Variants in MIER2 observed in about 807,000 individuals in gnomAD.
The protein encoded by MIER2 is MIER family member 2, also known as mesoderm induction early response protein 2.
Under a neutral mutation model 67.6 loss-of-function variants are expected in MIER2, and 30 were observed. The observed-to-expected ratio is 0.44, with a 90% CI of 0.33 to 0.60. MIER2 has a LOEUF of 0.60. MIER2 is among the 20% of genes least tolerant of loss of function. The pLI is 0.02. For synonymous variants in MIER2, 372 were observed against 312.6 expected (o/e 1.19, Z -2.00); for missense variants, 702 against 745.1 (o/e 0.94, Z 0.67).
chr19:319,159 T>G (rs1971389927), intron 7 of MIER2, among the ~76,000 whole-genome samples: 2 of 149,926 alleles, frequency 1.3e-5, no homozygotes, highest in Non-Finnish European at 1.5e-5. Context: ...GTCAGGAGTT[T>G]GAGACCAGCC....
intron 1 of MIER2, chr19:343,835 G>A (rs1972614840): frequency 2.0e-6 from 2 of 985,032 alleles, no homozygotes; most frequent in South Asian, 9.4e-5. Context: ...CTTCACCAGG[G>A]CCCTCCAAGG....
At chr19:320,170 T>C (rs943187171) in intron 7 of MIER2, among the ~76,000 whole-genome samples, 14 of 151,556 alleles carry the variant, frequency 9.2e-5, no homozygotes, top group Non-Finnish European at 4.4e-5. Context: ...AGGCCAGGAG[T>C]TTGAGACCAG....
rs755905762 is a variant in MIER2, at chr19:307,322, G to A, written c.1413C>T (p.Ala471=). The change falls in exon 13 of 14, where the codon GCC becomes GCT. Residue 471 remains alanine (A), a synonymous_variant. Transcript: ENST00000264819. ...GCTCCTTGGGCAGGGCGAAGTCCAC[G>A]GCCAGCCTTGGGCTGGCGTCTGGCT... ...APEPDASPRL[A]VDFALPKELP... is the part of the protein sequence containing the mutation. 29 of 1,601,376 alleles carry A rather than the reference G, an allele frequency of 1.8e-5. No individual in the cohort carries two copies. Among genetic ancestry groups the A allele is most frequent in the Admixed American group, 5.2e-5 (3 of 57,762 alleles).
chr19:343,663 G>T (rs914999384), intron 1 of MIER2: 3 of 252,098 alleles, frequency 1.2e-5, no homozygotes, highest in African/African-American at 4.6e-5. Flanking sequence ...GGCTGTGCCT[G>T]GCTGGGTGGG....
At position 334,430 on chromosome 19, in the gene MIER2, C is replaced by T. The variant is rs760289979; in HGVS notation, c.213G>A (p.Lys71=). The change falls in exon 3 of 14, where the codon AAG becomes AAA. Residue 71 remains lysine, a synonymous_variant. Transcript: ENST00000264819. The stretch of plus-strand genomic sequence containing the variant: ...AGATGAAGTCCTTCTCCAGCTCCTC[C>T]TTGGGCTTGTCTGGGCACCTCGAGG... ...EEASRCPDKP[K]EELEKDFISQ... is the part of the protein sequence containing the mutation. 2 of 1,614,198 alleles carry T rather than the reference C, an allele frequency of 1.2e-6. No individual in the cohort carries two copies. The highest frequency in any genetic ancestry group is 1.7e-5 in the Admixed American group (1 of 60,026).
At chr19:338,340 C>A (rs983459509) in intron 1 of MIER2, among the ~76,000 whole-genome samples, 2 of 151,996 alleles carry the variant, frequency 1.3e-5, no homozygotes, top group African/African-American at 2.4e-5. Flanking sequence ...TATATAAAAG[C>A]AACAAATACA....
chr19:306,102 G>A lies in MIER2; in HGVS notation c.*588C>T, dbSNP rs766108091. 2 of 153,344 alleles carry A rather than the reference G, an allele frequency of 1.3e-5. No individual in the cohort carries two copies. Among genetic ancestry groups the A allele is most frequent in the Non-Finnish European group, 2.9e-5 (2 of 68,876 alleles). 9.5% of individuals were successfully genotyped at this position (153,344 alleles called of 1,614,324 possible). ...CGGCTTTTCCTGAAGTGGAGACGAT[G>A]GGGTGGGAAGGCGAGGCTGGGGTGG... On this transcript the variant is annotated 3_prime_UTR_variant, in exon 14 of 14. Transcript: ENST00000264819.
At chr19:315,733 C>T (rs1310829217) in intron 7 of MIER2, among the ~76,000 whole-genome samples, 2 of 152,150 alleles carry the variant, frequency 1.3e-5, no homozygotes, top group Non-Finnish European at 2.9e-5. Flanking sequence ...CTCTAAGATA[C>T]GTGTAAATGA....
chr19:324,006 A>G (rs964871049), intron 7 of MIER2, among the ~76,000 whole-genome samples: 3 of 151,636 alleles, frequency 2.0e-5, no homozygotes, highest in Non-Finnish European at 2.9e-5. Flanking sequence ...CACACAGGAC[A>G]CACACAACCA....
Position 309,135 on chromosome 19 carries a change from A to G in MIER2, c.985-210T>C, listed in dbSNP as rs57781588. ...GAACAGGGGCTCGGAGCACTGTGGC[A>G]CTGCCTCCTGTTTCAAGCCCCCTCA... On this transcript the variant is annotated intron_variant, in intron 10 of 13. Transcript: ENST00000264819. Among the ~76,000 whole-genome samples, 56 of 152,216 alleles carry G rather than the reference A, an allele frequency of 3.7e-4. No individual in the cohort carries two copies. In the East Asian group the frequency reaches 0.01, roughly 28 times the overall value.
chr19:335,546 C>T (rs540240760), intron 2 of MIER2, among the ~76,000 whole-genome samples: 8 of 152,230 alleles, frequency 5.3e-5, no homozygotes, highest in Admixed American at 2.0e-4. Context: ...CGCAGCCCTA[C>T]ACCTGGCAGA....
At chr19:340,978 G>T (rs1387833817) in intron 1 of MIER2, among the ~76,000 whole-genome samples, 1 of 152,214 alleles carries the variant, frequency 6.6e-6, no homozygotes, top group Non-Finnish European at 1.5e-5. Flanking sequence ...CTCCTGCCCT[G>T]GGGTTGGCCT....
At chr19:307,033 G>A in intron 13 of MIER2, 86 bp downstream of exon 13, 6 of 1,445,066 alleles carry the variant, frequency 4.2e-6, no homozygotes, top group Non-Finnish European at 5.5e-6. Flanking sequence ...TGGGGCAAAT[G>A]CCTCCCACCC....
At chr19:337,087 G>A (rs555417713) in intron 1 of MIER2, among the ~76,000 whole-genome samples, 118 of 152,050 alleles carry the variant, frequency 7.8e-4, no homozygotes, top group African/African-American at 1.8e-3. Context: ...CAAGTGATCC[G>A]CCCGCCTCGG....
At chr19:330,798 G>A (rs1398289668) in intron 3 of MIER2, among the ~76,000 whole-genome samples, 5 of 152,022 alleles carry the variant, frequency 3.3e-5, no homozygotes, top group Admixed American at 6.6e-5. Context: ...GAAGAGAGCC[G>A]GCACCAGAAC....
At chr19:321,451 C>G (rs899842195) in intron 7 of MIER2, among the ~76,000 whole-genome samples, 7 of 152,100 alleles carry the variant, frequency 4.6e-5, no homozygotes, top group Admixed American at 4.6e-4. Context: ...TCGAGATCAG[C>G]TTGGCCAACA....
At chr19:321,682 A>C (rs72984481) in intron 7 of MIER2, among the ~76,000 whole-genome samples, 1 of 151,956 alleles carries the variant, frequency 6.6e-6, no homozygotes, top group Admixed American at 6.6e-5. Flanking sequence ...GCTGAAAAAA[A>C]TAAGTTTTAA....
chr19:316,330 T>TC (rs1971233423), intron 7 of MIER2, among the ~76,000 whole-genome samples: 2 of 152,066 alleles, frequency 1.3e-5, no homozygotes, highest in East Asian at 3.9e-4. Context: ...TCTTGCTCTG[T>TC]CCCCCAGGCT....
At chr19:344,473 G>T (rs1197060333) in intron 1 of MIER2, 34 of 695,214 alleles carry the variant, frequency 4.9e-5, no homozygotes, top group Non-Finnish European at 6.0e-5. Context: ...CCCGACACCA[G>T]CCCCGCCCCG....
Sources: allele counts gnomAD v4.1 joint callset (sites outside exome capture counted in the v4.1 genomes callset), GRCh38; gene constraint gnomAD v4.1.1; transcripts MANE v1.5; gene names NCBI Gene and HGNC (gene_info 2026-07-23, HGNC 2026-07-21).